The following PRR5 variants were observed in gnomAD, a reference collection of about 807,000 sequenced individuals.
PRR5 encodes the protein proline rich 5, also known as proline-rich protein 5.
PRR5 carries 25 observed loss-of-function variants against 30.6 expected under a neutral mutation model. That is an observed-to-expected ratio of 0.82 (90% CI 0.60 to 1.14). The LOEUF (loss-of-function observed/expected upper bound fraction) is 1.14, where lower values mean the gene tolerates loss of function less well. PRR5 is among the 50% of genes most tolerant of loss of function. The pLI, the probability that PRR5 is intolerant of heterozygous loss-of-function variation, is 0.00. For synonymous variants in PRR5, 286 were observed against 247.1 expected (o/e 1.16, Z -1.48); for missense variants, 600 against 547.1 (o/e 1.10, Z -0.96).
At chr22:44,679,608 G>A (rs1051401725) in intron 1 of PRR5, 2 of 502,350 alleles carry the variant, frequency 4.0e-6, no homozygotes, top group African/African-American at 1.9e-5. Flanking sequence ...TCGGGAGGCT[G>A]AGGGAGGAGA....
chr22:44,670,197 C>A (rs6007236), intron 1 of PRR5, among the ~76,000 whole-genome samples: 1 of 152,160 alleles, frequency 6.6e-6, no homozygotes, highest in African/African-American at 2.4e-5. Flanking sequence ...CCCATCCTGG[C>A]GTCTACAACT....
rs183580457 is a variant in PRR5 at position 44,691,603 on chromosome 22, G to A, written c.-10-10889G>A. Among the ~76,000 whole-genome samples the A allele has an allele frequency of 1.1e-4, 17 of 152,164 alleles. No individual in the cohort carries two copies. The highest frequency in any genetic ancestry group is 6.2e-4 in the South Asian group (3 of 4,814). ...AGCCTGGCCAACATGGCAAAACCCC[G>A]TCTCTACTAAAAACACAAAAACTAG... On this transcript the variant is annotated intron_variant, in intron 1 of 8. Transcript: ENST00000006251. This position sits in a 1 kb window ranked among gnomAD's most constrained non-coding sequence, Gnocchi z 4.4.
chr22:44,718,192 C>CTTTT lies in PRR5; in HGVS notation c.215+3538_215+3541dup, dbSNP rs34868054. Among the ~76,000 whole-genome samples the CTTTT allele has an allele frequency of 2.0e-3, 189 of 94,560 alleles. 13 individuals carry two copies. Among genetic ancestry groups the CTTTT allele is most frequent in the East Asian group, 3.9e-3 (12 of 3,080 alleles). 62.0% of individuals were successfully genotyped at this position (94,560 alleles called of 152,430 possible). ...TGTGTGGATGCACGTTTTCATCTCT[C>CTTTT]TTTTTTTTTTTTTTTTTTTTGAGAC... is the stretch of plus-strand genomic sequence containing the variant. On this transcript the variant is annotated intron_variant, in intron 2 of 7. Coordinates refer to ENST00000336985, the MANE Select transcript of PRR5 (RefSeq NM_181333.4).
Position 44,737,435 on chromosome 22 carries a change from C to G in PRR5, c.*188C>G, listed in dbSNP as rs549007939. 7.9e-7 allele frequency: 1 copy of G among 1,267,534 alleles called. No homozygotes were observed. The highest frequency in any genetic ancestry group is 1.0e-6 in the Non-Finnish European group (1 of 955,332). The allele number at this position is 1,267,534 out of a possible 1,614,324, so 78.5% of individuals were successfully genotyped here. On this transcript the variant is annotated 3_prime_UTR_variant, in exon 8 of 8. Coordinates refer to ENST00000336985, the MANE Select transcript of PRR5 (RefSeq NM_181333.4). Reference sequence around the variant, plus strand: ...TACCATCAGCCTTCCTTGCTCGGCCCAGGTCTGTTTCAGGCATCTGAGTCG... The same window carrying G: ...TACCATCAGCCTTCCTTGCTCGGCCGAGGTCTGTTTCAGGCATCTGAGTCG...
chr22:44,697,200 C>T (rs1925833692), intron 1 of PRR5, among the ~76,000 whole-genome samples: 1 of 152,220 alleles, frequency 6.6e-6, no homozygotes. Flanking sequence ...TCCAAGGCCA[C>T]CAGGTCCGGT....
upstream of PRR5, among the ~76,000 whole-genome samples, chr22:44,701,383 A>G (rs538191345): frequency 6.6e-6 from 1 of 152,340 alleles, no homozygotes; most frequent in South Asian, 2.1e-4. Flanking sequence ...TGGGCAAGTT[A>G]TTTCACTCTG....
intron 1 of PRR5, among the ~76,000 whole-genome samples, chr22:44,713,969 G>T (rs1046105838): frequency 6.6e-6 from 1 of 152,138 alleles, no homozygotes; most frequent in Non-Finnish European, 1.5e-5. Context: ...GCGCCCTGCT[G>T]ATTTTTTGTA....
intron 1 of PRR5, among the ~76,000 whole-genome samples, chr22:44,686,325 T>G (rs1924748366): frequency 6.6e-6 from 1 of 151,796 alleles, no homozygotes; most frequent in Admixed American, 6.6e-5. Context: ...TTCTTGTGTT[T>G]TTGTTGTTGT....
At chr22:44,727,706 A>G (rs1921104931) in intron 4 of PRR5, among the ~76,000 whole-genome samples, 1 of 152,032 alleles carries the variant, frequency 6.6e-6, no homozygotes, top group African/African-American at 2.4e-5. Flanking sequence ...CCTGGGAAAA[A>G]GAGCTACTAG....
intron 4 of PRR5, chr22:44,730,615 C>T: frequency 1.0e-6 from 1 of 998,138 alleles, no homozygotes; most frequent in Non-Finnish European, 1.2e-6. Context: ...TTCAGAGACT[C>T]ACCTGTCAAG....
intron 6 of PRR5, 130 bp from the exon 7 acceptor site, chr22:44,734,895 CAG>C: frequency 7.7e-7 from 1 of 1,303,824 alleles, no homozygotes; most frequent in South Asian, 1.4e-5. Context: ...GCCATGGGGA[CAG>C]AGAGCCTGTG....
intron 1 of PRR5, among the ~76,000 whole-genome samples, chr22:44,694,482 G>C (rs148586009): frequency 0.032 from 4,895 of 152,248 alleles, 274 homozygotes; most frequent in African/African-American, 0.11. Flanking sequence ...GTAGTTAGCC[G>C]AGATCGTGCC....
In PRR5 at chr22:44,702,659, G is replaced by T. The variant is rs1045187593; in HGVS notation, c.134+51G>T. ...CGGAGGCCCTGGAGCCGGGGGAGGGGACCCCTGAGCCGTCCGCGGGCTAGG... is the reference window on the plus strand; with the variant it reads ...CGGAGGCCCTGGAGCCGGGGGAGGGTACCCCTGAGCCGTCCGCGGGCTAGG... On this transcript the variant is annotated intron_variant, in intron 1 of 7. Coordinates refer to ENST00000336985, the MANE Select transcript of PRR5 (RefSeq NM_181333.4). The T allele has an allele frequency of 3.2e-6, 4 of 1,261,682 alleles. No individual in the cohort carries two copies. The African/African-American group carries it at 6.2e-5, about 20-fold the overall frequency. The allele number at this position is 1,261,682 out of a possible 1,614,324, so 78.2% of individuals were successfully genotyped here.
At chr22:44,733,073 C>T (rs1210298587) in intron 6 of PRR5, among the ~76,000 whole-genome samples, 1 of 152,268 alleles carries the variant, frequency 6.6e-6, no homozygotes, top group East Asian at 1.9e-4. Flanking sequence ...CACACAGTGT[C>T]CCAGTCATTT....
intron 6 of PRR5, chr22:44,734,738 G>A (rs982869083): frequency 4.2e-6 from 2 of 478,902 alleles, no homozygotes; most frequent in East Asian, 3.6e-5. Flanking sequence ...CCTCCGAGGG[G>A]TGGAAGGTGC....
At chr22:44,732,841 C>T (rs1374583578) in intron 6 of PRR5, among the ~76,000 whole-genome samples, 2 of 45,888 alleles carry the variant, frequency 4.4e-5, no homozygotes, top group African/African-American at 6.7e-5. Flanking sequence ...ATACTACACA[C>T]GTGCACACAC....
At chr22:44,732,827 G>A (rs1165555343) in intron 6 of PRR5, among the ~76,000 whole-genome samples, 37 of 64,054 alleles carry the variant, frequency 5.8e-4, no homozygotes, top group Non-Finnish European at 8.8e-4. Flanking sequence ...ACGTGTGCAC[G>A]CACATACTAC....
chr22:44,689,736 C>T (rs773221416), intron 1 of PRR5, among the ~76,000 whole-genome samples: 1 of 152,220 alleles, frequency 6.6e-6, no homozygotes, highest in African/African-American at 2.4e-5. Context: ...GCAACCTCCA[C>T]CTCCTGAGTT....
chr22:44,731,382 C>T (rs1602089431), intron 4 of PRR5: 1 of 389,184 alleles, frequency 2.6e-6, no homozygotes, highest in East Asian at 5.4e-5. Context: ...GTGGCTCTCA[C>T]TTGTGTGGGT....
Sources: gnomAD v4.1 joint callset for allele counts (sites outside exome capture counted in the v4.1 genomes callset) on GRCh38, gnomAD v4.1.1 for gene constraint, Gnocchi (gnomAD v3.1) non-coding constraint, MANE v1.5 for transcripts, NCBI Gene and HGNC (gene_info 2026-07-23, HGNC 2026-07-21) for gene names.